Variants in APLF observed in about 807,000 individuals in gnomAD.
APLF encodes aprataxin and PNKP like factor.
APLF carries 61 observed loss-of-function variants against 55.6 expected under a neutral mutation model. The ratio of observed to expected loss-of-function variants is 1.10; its 90% confidence interval spans 0.89 to 1.36. The LOEUF (loss-of-function observed/expected upper bound fraction) is 1.36. APLF is among the 40% of genes most tolerant of loss of function. The pLI is 0.00. For synonymous variants in APLF, 207 were observed against 214.8 expected (o/e 0.96, Z 0.32); for missense variants, 611 against 602.5 (o/e 1.01, Z -0.15).
intron 1 of APLF, among the ~76,000 whole-genome samples, chr2:68,481,282 C>T (rs751678648): frequency 3.3e-5 from 5 of 152,050 alleles, no homozygotes; most frequent in Admixed American, 1.3e-4. Context: ...TGAGTGGTGA[C>T]GGAATTCCCT....
chr2:68,500,752 G>T (rs1213477626), intron 2 of APLF, among the ~76,000 whole-genome samples: 1 of 152,114 alleles, frequency 6.6e-6, no homozygotes, highest in Non-Finnish European at 1.5e-5. Context: ...TGACTCTGAT[G>T]ACCATGACAT....
intron 5 of APLF, among the ~76,000 whole-genome samples, chr2:68,518,352 A>C (rs1283493659): frequency 8.9e-6 from 1 of 112,396 alleles, no homozygotes; most frequent in African/African-American, 3.8e-5. Context: ...TTATATATTA[A>C]TATAGCAATA....
intron 6 of APLF, among the ~76,000 whole-genome samples, chr2:68,527,418 C>A (rs936311724): frequency 1.4e-5 from 2 of 144,188 alleles, no homozygotes; most frequent in Non-Finnish European, 3.0e-5. Flanking sequence ...TACTGTGAGG[C>A]GGCCGGGCAG....
At chr2:68,478,796 T>C (rs1479348506) in intron 1 of APLF, among the ~76,000 whole-genome samples, 1 of 152,184 alleles carries the variant, frequency 6.6e-6, no homozygotes, top group Non-Finnish European at 1.5e-5. Context: ...CAGGAAAGGA[T>C]AGCCAGTTCT....
intron 1 of APLF, among the ~76,000 whole-genome samples, chr2:68,475,190 T>C (rs1040391092): frequency 6.6e-6 from 1 of 152,216 alleles, no homozygotes; most frequent in African/African-American, 2.4e-5. Context: ...TTTCCTTATG[T>C]CTTTACTTAC....
At chr2:68,559,662 T>G (rs1671113340) in intron 8 of APLF, among the ~76,000 whole-genome samples, 2 of 152,100 alleles carry the variant, frequency 1.3e-5, no homozygotes, top group Admixed American at 1.3e-4. Context: ...TTAAAATATA[T>G]TAGGAACCTG....
chr2:68,535,288 T>C, intron 6 of APLF: 1 of 435,372 alleles, frequency 2.3e-6, no homozygotes, highest in Non-Finnish European at 4.7e-6. Context: ...AATAGATGCT[T>C]ATTGTCAAAA....
At chr2:68,545,373 G>A in intron 8 of APLF, 61 bp downstream of exon 8, 1 of 1,536,296 alleles carries the variant, frequency 6.5e-7, no homozygotes. Context: ...ACTTATCTAG[G>A]AGAAACTGAC....
At chr2:68,509,589 G>A (rs978350889) in intron 3 of APLF, among the ~76,000 whole-genome samples, 3 of 152,064 alleles carry the variant, frequency 2.0e-5, no homozygotes, top group African/African-American at 7.2e-5. Flanking sequence ...AGAGGGTGTG[G>A]AGAAATAGGA....
intron 6 of APLF, among the ~76,000 whole-genome samples, chr2:68,531,850 G>A (rs1375034078): frequency 2.0e-5 from 3 of 152,194 alleles, no homozygotes; most frequent in African/African-American, 7.2e-5. Context: ...ATAGAGAGGA[G>A]CAGATCCAAG....
At chr2:68,535,232 A>G (rs144689154) in intron 6 of APLF, 74 of 380,094 alleles carry the variant, frequency 1.9e-4, no homozygotes, top group Middle Eastern at 1.7e-3. Context: ...GGATTTTGTT[A>G]TATTTCATTT....
chr2:68,549,310 GT>G (rs1301629780), intron 8 of APLF, among the ~76,000 whole-genome samples: 2 of 151,952 alleles, frequency 1.3e-5, no homozygotes, highest in Non-Finnish European at 2.9e-5. Context: ...ATAATTTATA[GT>G]TTGAACTAGA....
At chr2:68,487,000 C>G (rs1037013102) in intron 1 of APLF, among the ~76,000 whole-genome samples, 7 of 152,082 alleles carry the variant, frequency 4.6e-5, no homozygotes, top group African/African-American at 7.3e-5. Flanking sequence ...TTTTTAGTAG[C>G]CTTTCTCTTT....
intron 6 of APLF, among the ~76,000 whole-genome samples, chr2:68,527,198 T>C (rs1178166749): frequency 6.6e-6 from 1 of 151,148 alleles, no homozygotes; most frequent in Non-Finnish European, 1.5e-5. Context: ...GAAGCGCTCC[T>C]CACTTCCCAG....
chr2:68,532,478 C>T (rs1214897168), intron 6 of APLF, among the ~76,000 whole-genome samples: 1 of 152,078 alleles, frequency 6.6e-6, no homozygotes, highest in Non-Finnish European at 1.5e-5. Flanking sequence ...AAATTAAGAG[C>T]TACTGTTGTA....
At chr2:68,534,961 TG>T (rs1670348186) in intron 6 of APLF, among the ~76,000 whole-genome samples, 1 of 152,204 alleles carries the variant, frequency 6.6e-6, no homozygotes, top group Non-Finnish European at 1.5e-5. Flanking sequence ...AAACCATGAA[TG>T]TTAAATTCTT....
At chr2:68,478,198 A>C (rs1675838530) in intron 1 of APLF, among the ~76,000 whole-genome samples, 1 of 152,130 alleles carries the variant, frequency 6.6e-6, no homozygotes, top group African/African-American at 2.4e-5. Context: ...TACAAGAAAA[A>C]GTTGAATTCC....
At chr2:68,537,004 A>G (rs560520381) in intron 6 of APLF, among the ~76,000 whole-genome samples, 31 of 152,112 alleles carry the variant, frequency 2.0e-4, no homozygotes, top group Admixed American at 1.2e-3. Flanking sequence ...GTCTCTACTA[A>G]AAATACAAAA....
At position 68,513,729 on chromosome 2, in the gene APLF, G is replaced by T. The variant is rs543891504; in HGVS notation, c.622+49G>T. The T allele has an allele frequency of 1.8e-5, 29 of 1,586,154 alleles. 1 individual carries two copies. In the South Asian group the frequency reaches 3.2e-4, roughly 17 times the overall value. On this transcript the variant is annotated intron_variant, in intron 5 of 9. Coordinates refer to ENST00000303795, the MANE Select transcript of APLF (RefSeq NM_173545.3). The stretch of plus-strand genomic sequence containing the variant: ...CTGACTTTAAAGGAAACATTAAACA[G>T]AATTTGAAAGCTTTTCTGAAGAAAA...
Sources: allele counts gnomAD v4.1 joint callset (sites outside exome capture counted in the v4.1 genomes callset), GRCh38; gene constraint gnomAD v4.1.1; transcripts MANE v1.5; gene names NCBI Gene and HGNC (gene_info 2026-07-23, HGNC 2026-07-21).